The following B3GALT1 variants were observed in gnomAD, a reference collection of about 807,000 sequenced individuals.
B3GALT1 encodes the protein UDP-Gal:betaGlcNAc beta 1,3-galactosyltransferase, polypeptide 1.
A neutral mutation model predicts 23.2 loss-of-function variants in B3GALT1; 10 were observed. That is an observed-to-expected ratio of 0.43 (90% CI 0.27 to 0.73). B3GALT1 has a LOEUF of 0.73. B3GALT1 is among the 30% of genes least tolerant of loss of function. B3GALT1 has a pLI of 0.21. For missense variants in B3GALT1, 299 were observed against 405.4 expected (o/e 0.74, Z 2.25); for synonymous variants, 156 against 141.5 (o/e 1.10, Z -0.73).
At chr2:167,301,216 T>C (rs1398503988) in intron 1 of B3GALT1, among the ~76,000 whole-genome samples, 1 of 152,216 alleles carries the variant, frequency 6.6e-6, no homozygotes, top group Non-Finnish European at 1.5e-5. Context: ...TTCAGTTGCA[T>C]GCTATAGAAA....
At chr2:167,485,462 G>A (rs1574098886) in intron 1 of B3GALT1, among the ~76,000 whole-genome samples, 1 of 152,090 alleles carries the variant, frequency 6.6e-6, no homozygotes. Context: ...TTTATGGAAC[G>A]TGTCCTAGTC....
intron 1 of B3GALT1, among the ~76,000 whole-genome samples, chr2:167,449,107 A>G (rs1174881731): frequency 2.0e-5 from 3 of 152,056 alleles, no homozygotes; most frequent in African/African-American, 7.2e-5. Context: ...TATGAATTTT[A>G]GGATTTTTTT....
intron 2 of B3GALT1, among the ~76,000 whole-genome samples, chr2:167,502,549 G>A (rs1177174313): frequency 1.5e-5 from 2 of 136,404 alleles, no homozygotes; most frequent in African/African-American, 5.5e-5. Context: ...TACAATCATG[G>A]AGGAAAGTGA....
intron 2 of B3GALT1, among the ~76,000 whole-genome samples, chr2:167,513,738 T>G (rs574652787): frequency 3.3e-5 from 5 of 152,150 alleles, no homozygotes; most frequent in African/African-American, 1.2e-4. Context: ...TATTTTTGTG[T>G]ATGTTGAAAA....
At chr2:167,588,697 A>G (rs1684619474) in intron 2 of B3GALT1, among the ~76,000 whole-genome samples, 1 of 151,778 alleles carries the variant, frequency 6.6e-6, no homozygotes, top group Non-Finnish European at 1.5e-5. Context: ...CTATTTGCTT[A>G]TATGTTTTTT....
chr2:167,504,336 T>C (rs1340212577), intron 2 of B3GALT1, among the ~76,000 whole-genome samples: 1 of 152,210 alleles, frequency 6.6e-6, no homozygotes, highest in East Asian at 1.9e-4. Context: ...GAATTAGTTA[T>C]AAGTAGCTCA....
intron 3 of B3GALT1, among the ~76,000 whole-genome samples, chr2:167,654,904 A>G (rs1469667202): frequency 6.6e-6 from 1 of 151,818 alleles, no homozygotes; most frequent in Non-Finnish European, 1.5e-5. Context: ...TACCCACTAA[A>G]TCAGTAGTTA....
chr2:167,593,805 A>G (rs999676185), intron 2 of B3GALT1, among the ~76,000 whole-genome samples: 1 of 152,120 alleles, frequency 6.6e-6, no homozygotes, highest in Non-Finnish European at 1.5e-5. Context: ...TTTGGCAAGG[A>G]TGCTTTCAGG....
rs771283993 is a variant in B3GALT1 at position 167,869,019 on chromosome 2, A to T, written c.-21A>T. ...AGGAGGCGTATTCTTCAATATTTGG[A>T]ATAGACGTGTTCTCAAGACAATGGC... is the stretch of plus-strand genomic sequence containing the variant. On this transcript the variant is annotated 5_prime_UTR_variant, in exon 5 of 5. Coordinates refer to ENST00000392690, the MANE Select transcript of B3GALT1 (RefSeq NM_020981.4). This position sits in a 1 kb window ranked among gnomAD's most constrained non-coding sequence, Gnocchi z 6.4. 6 of 1,570,006 alleles carry T rather than the reference A, an allele frequency of 3.8e-6. No homozygotes were observed. The highest frequency in any genetic ancestry group is 3.4e-6 in the Non-Finnish European group (4 of 1,159,440).
chr2:167,803,368 A>C (rs1688678573), intron 3 of B3GALT1, among the ~76,000 whole-genome samples: 1 of 152,200 alleles, frequency 6.6e-6, no homozygotes, highest in Non-Finnish European at 1.5e-5. Context: ...TTGGATCTCA[A>C]ATACTGTAAT....
intron 4 of B3GALT1, among the ~76,000 whole-genome samples, chr2:167,852,573 T>C (rs557375463): frequency 3.9e-4 from 59 of 152,200 alleles, no homozygotes; most frequent in Non-Finnish European, 7.1e-4. Flanking sequence ...TCGGAAAATT[T>C]ATTTTTAATC....
chr2:167,382,123 G>T (rs1463903618), intron 1 of B3GALT1, among the ~76,000 whole-genome samples: 1 of 152,094 alleles, frequency 6.6e-6, no homozygotes, highest in Non-Finnish European at 1.5e-5. Flanking sequence ...CTGTATCTTT[G>T]TTTACAGACT....
At position 167,600,195 on chromosome 2, in the gene B3GALT1, A is replaced by C. The variant is rs75209178; in HGVS notation, c.-409-46714A>C. Among the ~76,000 whole-genome samples, 5 of 152,296 alleles carry C rather than the reference A, an allele frequency of 3.3e-5. No homozygotes were observed. In the East Asian group the frequency reaches 9.7e-4, roughly 29 times the overall value. On this transcript the variant is annotated intron_variant, in intron 2 of 4. Coordinates refer to ENST00000392690, the MANE Select transcript of B3GALT1 (RefSeq NM_020981.4). ...ATCAAATTAGGACAAAATCCAGCAA[A>C]AATCTGAGCCGTAACCACAATGGTA...
chr2:167,318,640 T>C (rs552403510), intron 1 of B3GALT1, among the ~76,000 whole-genome samples: 2 of 152,272 alleles, frequency 1.3e-5, no homozygotes, highest in East Asian at 3.9e-4. Context: ...AAGCTTAACA[T>C]TTGTTAATCT....
intron 1 of B3GALT1, among the ~76,000 whole-genome samples, chr2:167,436,063 C>T (rs1209434875): frequency 6.6e-6 from 1 of 151,958 alleles, no homozygotes; most frequent in African/African-American, 2.4e-5. Context: ...AATCCCTCTG[C>T]CCAACATATG....
intron 2 of B3GALT1, among the ~76,000 whole-genome samples, chr2:167,588,761 T>A (rs1470463972): frequency 6.6e-6 from 1 of 151,898 alleles, no homozygotes; most frequent in Admixed American, 6.6e-5. Context: ...TATATACGTA[T>A]ATCCAAAAAG....
At chr2:167,686,715 A>G (rs1337347394) in intron 3 of B3GALT1, among the ~76,000 whole-genome samples, 2 of 152,210 alleles carry the variant, frequency 1.3e-5, no homozygotes, top group Non-Finnish European at 2.9e-5. Context: ...GTCCATGTGC[A>G]CACTTACACG....
At chr2:167,482,622 T>C (rs1310082302) in intron 1 of B3GALT1, among the ~76,000 whole-genome samples, 2 of 152,148 alleles carry the variant, frequency 1.3e-5, no homozygotes, top group East Asian at 3.9e-4. Context: ...TACTTAAAAA[T>C]ATGCAAACAA....
At chr2:167,541,219 A>C (rs982494239) in intron 2 of B3GALT1, among the ~76,000 whole-genome samples, 3 of 152,160 alleles carry the variant, frequency 2.0e-5, no homozygotes, top group Admixed American at 2.0e-4. Context: ...CATATGATCA[A>C]GAGGATAAAT....
Sources: gnomAD v4.1 joint callset for allele counts (sites outside exome capture counted in the v4.1 genomes callset) on GRCh38, gnomAD v4.1.1 for gene constraint, Gnocchi (gnomAD v3.1) non-coding constraint, MANE v1.5 for transcripts, NCBI Gene and HGNC (gene_info 2026-07-23, HGNC 2026-07-21) for gene names.